MUC5B: variants seen among roughly 807,000 people sequenced by gnomAD.
MUC5B encodes mucin-5B.
A neutral mutation model predicts 376.9 loss-of-function variants in MUC5B; 116 were observed. That is an observed-to-expected ratio of 0.31 (90% CI 0.26 to 0.36). The LOEUF (loss-of-function observed/expected upper bound fraction) is 0.36, where lower values mean the gene tolerates loss of function less well. MUC5B is among the 10% of genes least tolerant of loss of function. The probability of loss-of-function intolerance (pLI) is 1.00; values close to 1 mark genes in which losing one functional copy is unlikely to be tolerated. For missense variants in MUC5B, 7,165 were observed against 7,769.9 expected (o/e 0.92, Z 2.93); for synonymous variants, 3,517 against 3,390.9 (o/e 1.04, Z -1.29).
At position 1,255,384 on chromosome 11, in the gene MUC5B, G is replaced by T; in HGVS notation, c.15892G>T (p.Val5298Phe). The T allele has an allele frequency of 6.3e-7, 1 of 1,593,780 alleles. No homozygotes were observed. Among genetic ancestry groups the T allele is most frequent in the Non-Finnish European group, 8.6e-7 (1 of 1,168,136 alleles). Residue 5298 changes from valine (V) to phenylalanine (F), a missense_variant and splice_region_variant, in exon 37 of 49, where the codon GTC becomes TTC. By Grantham distance (50) the Val-to-Phe change is conservative (BLOSUM62 -1). Coordinates refer to ENST00000529681, the MANE Select transcript of MUC5B (RefSeq NM_002458.3). ...QPLCDLMLSQ[V>F]FAECHNLVPP... is the part of the protein sequence containing the mutation. ...CGTCCTGATCGCTTTGCCCCACAGG[G>T]TCTTTGCTGAGTGCCACAACCTTGT...
rs200112414 is a variant in MUC5B, at chr11:1,246,632, G to A, written c.9752G>A (p.Arg3251His). 39 of 1,610,804 alleles carry A rather than the reference G, an allele frequency of 2.4e-5. No individual in the cohort carries two copies. The highest frequency in any genetic ancestry group is 6.8e-5 in the African/African-American group (5 of 73,954). ...TCCTCCCTGGGCACCGCCTGGACCC[G>A]CCTATCACAGACCACCACACCCACG... ...PSSSLGTAWT[R>H]LSQTTTPTAT... The change falls in exon 31 of 49, where the codon CGC becomes CAC. Residue 3251 changes from arginine to histidine, a missense_variant. Around this residue, in one of 31 missense-constraint regions of MUC5B, gnomAD observed 939 missense variants for 770.6 expected, o/e 1.22. Transcript: ENST00000529681.
rs769175584 is a variant in MUC5B, at chr11:1,250,921, A to G, written c.14041A>G (p.Thr4681Ala). The G allele has an allele frequency of 1.1e-5, 18 of 1,596,372 alleles. No individual in the cohort carries two copies. In the Admixed American group the frequency reaches 3.2e-4, roughly 28 times the overall value. Reference sequence around the variant, plus strand: ...GACCAGTGGTACTCCCCCATCACTGACCACCACGGCCACTACGATCACGGC... The same window carrying G: ...GACCAGTGGTACTCCCCCATCACTGGCCACCACGGCCACTACGATCACGGC... ...TQTSGTPPSL[T>A]TTATTITATG... Residue 4681 changes from threonine to alanine, a missense_variant, in exon 31 of 49, where the codon ACC becomes GCC. Coordinates refer to ENST00000529681, the MANE Select transcript of MUC5B (RefSeq NM_002458.3).
chr11:1,237,445 A>G (rs1470133967), intron 25 of MUC5B, among the ~76,000 whole-genome samples: 1 of 152,014 alleles, frequency 6.6e-6, no homozygotes, highest in African/African-American at 2.4e-5. Flanking sequence ...GCAGCCCTCT[A>G]TGTGGCCCCT....
rs1229040001 is a variant in MUC5B, at chr11:1,246,002, C to T, written c.9122C>T (p.Ser3041Phe). The T allele has an allele frequency of 6.2e-6, 10 of 1,612,862 alleles. No individual in the cohort carries two copies. The highest frequency in any genetic ancestry group is 8.5e-6 in the Non-Finnish European group (10 of 1,179,622). The change falls in exon 31 of 49, where the codon TCC becomes TTC. Residue 3041 changes from serine (S) to phenylalanine (F), a missense_variant. By Grantham distance (155) the Ser-to-Phe change is radical. Transcript: ENST00000529681. ...ACAGCCACCAGTTCCAAAGCCACTT[C>T]CTCCTCCAGTCCAAGGACTGCAACC... Reference protein sequence around the residue: ...TPTATSSKATSSSSPRTATTL... With the variant: ...TPTATSSKATFSSSPRTATTL...
Position 1,255,482 on chromosome 11 carries a change from C to A in MUC5B, c.15990C>A (p.Ser5330Arg). 1.3e-6 allele frequency: 2 copies of A among 1,584,426 alleles called. No homozygotes were observed. Among genetic ancestry groups the A allele is most frequent in the Non-Finnish European group, 8.6e-7 (1 of 1,166,346 alleles). ...GCCGCCTTGAGGTGCCCTGCCAGAG[C>A]CTGGAGGCTTACGCAGAGCTCTGCC... ...CRGRLEVPCQ[S>R]LEAYAELCRA... is the part of the protein sequence containing the mutation. Residue 5330 changes from serine to arginine, a missense_variant, in exon 37 of 49, where the codon AGC becomes AGA. Around this residue, in one of 31 missense-constraint regions of MUC5B, gnomAD observed 842 missense variants for 1,016.9 expected, o/e 0.83. Transcript: ENST00000529681.
Position 1,242,306 on chromosome 11 carries a change from A to G in MUC5B, c.5426A>G (p.Glu1809Gly), listed in dbSNP as rs1450011962. 6.2e-7 allele frequency: 1 copy of G among 1,613,850 alleles called. No individual in the cohort carries two copies. Among genetic ancestry groups the G allele is most frequent in the Non-Finnish European group, 8.5e-7 (1 of 1,179,872 alleles). The change falls in exon 31 of 49, where the codon GAA becomes GGA. Residue 1809 changes from glutamate (E) to glycine (G), a missense_variant. Glu to Gly is a moderately conservative substitution (Grantham distance 98). Around this residue, in one of 31 missense-constraint regions of MUC5B, gnomAD observed 897 missense variants for 779.6 expected, o/e 1.15. Coordinates refer to ENST00000529681, the MANE Select transcript of MUC5B (RefSeq NM_002458.3). ...PTSGVAGGDM[E>G]TFENIRAAGG... The stretch of plus-strand genomic sequence containing the variant: ...TCAGGGGTTGCAGGCGGGGACATGG[A>G]AACTTTTGAAAACATCAGGGCTGCT...
At position 1,244,133 on chromosome 11, in the gene MUC5B, C is replaced by T. The variant is rs573100777; in HGVS notation, c.7253C>T (p.Pro2418Leu). The T allele has an allele frequency of 1.0e-4, 168 of 1,612,700 alleles. No individual in the cohort carries two copies. The East Asian group carries it at 2.8e-3, about 27-fold the overall frequency. The change falls in exon 31 of 49, where the codon CCG becomes CTG. Residue 2418 changes from proline to leucine, a missense_variant. Pro to Leu is a moderately conservative substitution (Grantham distance 98, BLOSUM62 -3). This residue lies in a region of MUC5B where 194 missense variants were observed against 268.5 expected (regional missense o/e 0.72). Transcript: ENST00000529681. ...AACTACGGCCACTGCCCCAGCACCC[C>T]GGCCACCAGCTCTACGGCCATGCCC... The part of the protein sequence containing the change: ...CCNYGHCPST[P>L]ATSSTAMPSS...
Position 1,228,752 on chromosome 11 carries a change from C to T in MUC5B, c.963C>T (p.Cys321=), listed in dbSNP as rs1861950489. The change falls in exon 8 of 49, where the codon TGC becomes TGT. Residue 321 remains cysteine, a synonymous_variant. Transcript: ENST00000529681. Reference sequence around the variant, plus strand: ...GGGGCCAGCCGCGGAACTGGAGGTGCCCTGAGCTCTGCCGTGAGTGCTCCC... The same window carrying T: ...GGGGCCAGCCGCGGAACTGGAGGTGTCCTGAGCTCTGCCGTGAGTGCTCCC... ...HAGGQPRNWR[C]PELCPRTCPL... is the part of the protein sequence containing the mutation. 5 of 1,513,490 alleles carry T rather than the reference C, an allele frequency of 3.3e-6. No individual in the cohort carries two copies. Among genetic ancestry groups the T allele is most frequent in the Non-Finnish European group, 3.5e-6 (4 of 1,131,078 alleles). The allele number at this position is 1,513,490 out of a possible 1,614,324, so 93.8% of individuals were successfully genotyped here.
chr11:1,250,251 C>T lies in MUC5B; in HGVS notation c.13371C>T (p.Ala4457=). Residue 4457 remains alanine (A), a synonymous_variant, in exon 31 of 49, where the codon GCC becomes GCT. Transcript: ENST00000529681. The part of the protein sequence containing the change: ...TWILTEPSTT[A]TVTVPTGSTA... ...TCCTCACAGAGCCGAGCACTACAGC[C>T]ACCGTGACGGTGCCCACCGGATCCA... is the stretch of plus-strand genomic sequence containing the variant. 1 of 1,612,676 alleles carries T rather than the reference C, an allele frequency of 6.2e-7. No individual in the cohort carries two copies. The highest frequency in any genetic ancestry group is 1.3e-5 in the African/African-American group (1 of 74,890).
At chr11:1,236,112 G>A (rs1862151174) in intron 23 of MUC5B, among the ~76,000 whole-genome samples, 2 of 152,196 alleles carry the variant, frequency 1.3e-5, no homozygotes, top group South Asian at 4.1e-4. Flanking sequence ...GGGCTGGATG[G>A]GGAGCAGGGT....
At position 1,248,794 on chromosome 11, in the gene MUC5B, A is replaced by G. The variant is rs1358008330; in HGVS notation, c.11914A>G (p.Ile3972Val). 6.5e-7 allele frequency: 1 copy of G among 1,547,616 alleles called. No individual in the cohort carries two copies. Among genetic ancestry groups the G allele is most frequent in the Non-Finnish European group, 8.7e-7 (1 of 1,145,470 alleles). Residue 3972 changes from isoleucine to valine, a missense_variant, in exon 31 of 49, where the codon ATC becomes GTC. By Grantham distance (29) the Ile-to-Val change is conservative. Transcript: ENST00000529681. ...NPSSTPGTTP[I>V]PPVLTTTATT... ...CTCCTCAACTCCAGGGACAACACCTATCCCCCCAGTGCTGACCACCACCGC... is the reference window on the plus strand; with the variant it reads ...CTCCTCAACTCCAGGGACAACACCTGTCCCCCCAGTGCTGACCACCACCGC...
At position 1,261,490 on chromosome 11, in the gene MUC5B, C is replaced by T. The variant is rs1305846099; in HGVS notation, c.17171C>T (p.Ala5724Val). The change falls in exon 49 of 49, where the codon GCC becomes GTC. Residue 5724 changes from alanine to valine, a missense_variant. By Grantham distance (64) the Ala-to-Val change is moderately conservative. Around this residue, in one of 31 missense-constraint regions of MUC5B, gnomAD observed 842 missense variants for 1,016.9 expected, o/e 0.83. Coordinates refer to ENST00000529681, the MANE Select transcript of MUC5B (RefSeq NM_002458.3). ...CCCTTGCACTGTCCTAACGGCTCAG[C>T]CATCCTGCACACCTACACCCACGTG... ...TVPLHCPNGS[A>V]ILHTYTHVDE... 1.3e-6 allele frequency: 2 copies of T among 1,589,112 alleles called. No individual in the cohort carries two copies. The highest frequency in any genetic ancestry group is 1.7e-6 in the Non-Finnish European group (2 of 1,169,058).
intron 18 of MUC5B, 58 bp from the exon 19 acceptor site, chr11:1,233,735 G>C: frequency 6.5e-7 from 1 of 1,536,834 alleles, no homozygotes. Context: ...GGAAGCCCGG[G>C]GGTGGGGTCT....
At chr11:1,229,116 A>G in intron 8 of MUC5B, 54 bp from the exon 9 acceptor site, 1 of 1,486,198 alleles carries the variant, frequency 6.7e-7, no homozygotes, top group Non-Finnish European at 8.9e-7. Context: ...GGGGCTGACC[A>G]CACGGGCAGT....
In MUC5B at chr11:1,262,152, A is replaced by C; in HGVS notation, c.*544A>C. ...TGCTCAACCCAGCCCAGTTTTGCAA[A>C]TAAACCCTGAGCATTGAGTACGTTT... is the stretch of plus-strand genomic sequence containing the variant. On this transcript the variant is annotated 3_prime_UTR_variant, in exon 49 of 49. Coordinates refer to ENST00000529681, the MANE Select transcript of MUC5B (RefSeq NM_002458.3). 1 of 488,104 alleles carries C rather than the reference A, an allele frequency of 2.0e-6. No homozygotes were observed. Among genetic ancestry groups the C allele is most frequent in the Non-Finnish European group, 4.3e-6 (1 of 233,090 alleles). 30.2% of individuals were successfully genotyped at this position (488,104 alleles called of 1,614,324 possible).
At position 1,244,554 on chromosome 11, in the gene MUC5B, C is replaced by T; in HGVS notation, c.7674C>T (p.Pro2558=). ...CCCGCCTATCACAGACCACCACACC[C>T]ACGGCCACCATGTCCACAGCCACAC... ...TWTRLSQTTT[P]TATMSTATPS... Residue 2558 remains proline (P), a synonymous_variant, in exon 31 of 49, where the codon CCC becomes CCT. Coordinates refer to ENST00000529681, the MANE Select transcript of MUC5B (RefSeq NM_002458.3). 6.2e-7 allele frequency: 1 copy of T among 1,612,886 alleles called. No homozygotes were observed. Among genetic ancestry groups the T allele is most frequent in the South Asian group, 1.1e-5 (1 of 90,992 alleles).
rs182591679 is a variant in MUC5B, at chr11:1,248,489, C to A, written c.11609C>A (p.Thr3870Asn). 2,159 of 1,611,934 alleles carry A rather than the reference C, an allele frequency of 1.3e-3. 41 individuals are homozygous for A. In the African/African-American group the frequency reaches 0.025, roughly 19 times the overall value. Residue 3870 changes from threonine to asparagine, a missense_variant, in exon 31 of 49, where the codon ACC becomes AAC. By Grantham distance (65) the Thr-to-Asn change is moderately conservative. Coordinates refer to ENST00000529681, the MANE Select transcript of MUC5B (RefSeq NM_002458.3). Reference protein sequence around the residue: ...AHTTKVPTTTTTGFTVTPSSS... With the variant: ...AHTTKVPTTTNTGFTVTPSSS... Reference sequence around the variant, plus strand: ...ACTACCAAAGTGCCGACTACCACAACCACGGGCTTCACAGTCACCCCCTCC... The same window carrying A: ...ACTACCAAAGTGCCGACTACCACAAACACGGGCTTCACAGTCACCCCCTCC...
At position 1,228,782 on chromosome 11, in the gene MUC5B, C is replaced by T; in HGVS notation, c.976+17C>T. 1 of 1,475,962 alleles carries T rather than the reference C, an allele frequency of 6.8e-7. No homozygotes were observed. The allele number at this position is 1,475,962 out of a possible 1,614,324, so 91.4% of individuals were successfully genotyped here. A position where few individuals can be genotyped will look rare whatever the true frequency, so the allele number is the denominator to read the frequency against. On this transcript the variant is annotated intron_variant, in intron 8 of 48. Coordinates refer to ENST00000529681, the MANE Select transcript of MUC5B (RefSeq NM_002458.3). The stretch of plus-strand genomic sequence containing the variant: ...AGCTCTGCCGTGAGTGCTCCCAGGG[C>T]CTTCGCCAGGGATTGTGCCAGAGAG...
chr11:1,234,506 C>T lies in MUC5B; in HGVS notation c.2479-23C>T, dbSNP rs1016543505. The T allele has an allele frequency of 1.2e-5, 19 of 1,567,898 alleles. No individual in the cohort carries two copies. Among genetic ancestry groups the T allele is most frequent in the Admixed American group, 7.4e-5 (4 of 53,722 alleles). ...GCCCACCCTGGTGTCCAGCCCTGAC[C>T]GGTACCTGCCTGGGCCCCACAGTTC... On this transcript the variant is annotated intron_variant, in intron 20 of 48. Coordinates refer to ENST00000529681, the MANE Select transcript of MUC5B (RefSeq NM_002458.3). This position sits in a 1 kb window ranked among gnomAD's most constrained non-coding sequence, Gnocchi z 6.3.
Sources: gnomAD v4.1 joint callset for allele counts (sites outside exome capture counted in the v4.1 genomes callset) on GRCh38, gnomAD v4.1.1 for gene constraint, gnomAD v4.1.1 regional missense constraint, Gnocchi (gnomAD v3.1) non-coding constraint, MANE v1.5 for transcripts, NCBI Gene and HGNC (gene_info 2026-07-23, HGNC 2026-07-21) for gene names.